CCDC30: variants seen among roughly 807,000 people sequenced by gnomAD.
The protein encoded by CCDC30 is coiled-coil domain containing 30.
Under a neutral mutation model 100.2 loss-of-function variants are expected in CCDC30, and 70 were observed. That is an observed-to-expected ratio of 0.70 (90% CI 0.58 to 0.85). CCDC30 has a LOEUF of 0.85. Ranked by LOEUF, CCDC30 falls within the 40% of genes least tolerant of loss-of-function variation. The pLI is 0.00. For synonymous variants in CCDC30, 233 were observed against 269.5 expected, an observed-to-expected ratio of 0.86 and a Z score of 1.33; for missense variants, 652 against 771.2, an observed-to-expected ratio of 0.85 and a Z score of 1.83.
At chr1:42,534,879 A>T (rs118000063) in intron 6 of CCDC30, 1 of 152,102 alleles carries the variant, frequency 6.6e-6, no homozygotes, top group African/African-American at 2.4e-5. Flanking sequence ...GTAACTGGTG[A>T]TTTATTTAGA....
intron 9 of CCDC30, among the ~76,000 whole-genome samples, chr1:42,582,381 A>G (rs1201534041): frequency 6.6e-6 from 1 of 152,180 alleles, no homozygotes; most frequent in Non-Finnish European, 1.5e-5. Context: ...ATTATTAACC[A>G]AAGAGAAATG....
chr1:42,617,178 C>T (rs1646741604), intron 11 of CCDC30, among the ~76,000 whole-genome samples: 1 of 152,130 alleles, frequency 6.6e-6, no homozygotes, highest in East Asian at 1.9e-4. Flanking sequence ...GTGGCTCACA[C>T]CTGTAATCCC....
chr1:42,609,933 C>T (rs531051262), intron 10 of CCDC30, among the ~76,000 whole-genome samples: 1 of 152,322 alleles, frequency 6.6e-6, no homozygotes, highest in African/African-American at 2.4e-5. Flanking sequence ...ATTCTGCAGT[C>T]CACTTGATAT....
Position 42,653,472 on chromosome 1 carries a change from A to C in CCDC30, c.1922+29A>C, listed in dbSNP as rs1006671558. On this transcript the variant is annotated intron_variant, in intron 16 of 16. Coordinates refer to ENST00000668663, the Ensembl canonical transcript of CCDC30. The stretch of plus-strand genomic sequence containing the variant: ...AGTAAAGTCAAGACAAATAAAGTCA[A>C]GTCTATCTGAGATGGACTGTCAGCC... The C allele has an allele frequency of 5.0e-6, 7 of 1,394,420 alleles. No homozygotes were observed. In the Admixed American group the frequency reaches 1.0e-4, roughly 21 times the overall value. 86.4% of individuals were successfully genotyped at this position (1,394,420 alleles called of 1,614,324 possible).
At chr1:42,469,038 T>C (rs61777372) in intron 1 of CCDC30, among the ~76,000 whole-genome samples, 7 of 151,492 alleles carry the variant, frequency 4.6e-5, no homozygotes, top group African/African-American at 1.5e-4. Context: ...AAAAAAACTT[T>C]CAGGGAAGGA....
intron 10 of CCDC30, among the ~76,000 whole-genome samples, chr1:42,601,328 A>C (rs1276545906): frequency 6.6e-6 from 1 of 152,200 alleles, no homozygotes; most frequent in Non-Finnish European, 1.5e-5. Context: ...GTCTGAAGGG[A>C]GAAAAACCCC....
chr1:42,539,403 T>C, intron 6 of CCDC30, 93 bp downstream of exon 8: 1 of 1,173,068 alleles, frequency 8.5e-7, no homozygotes, highest in Non-Finnish European at 1.2e-6. Flanking sequence ...AACAGATGAT[T>C]TGGGAATTGG....
chr1:42,469,924 C>T lies in CCDC30; in HGVS notation c.-92+6026C>T, dbSNP rs74068444. On this transcript the variant is annotated intron_variant, in intron 1 of 16. Coordinates refer to ENST00000668663, the Ensembl canonical transcript of CCDC30. ...AACTAGCAACTCATAAATGACCCAGCGGTTGAGAAGCTTGGCTCAGACCAG... is the reference window on the plus strand; with the variant it reads ...AACTAGCAACTCATAAATGACCCAGTGGTTGAGAAGCTTGGCTCAGACCAG... 1.7e-3 allele frequency among the ~76,000 whole-genome samples: 264 copies of T among 152,240 alleles called. 1 individual carries two copies. The highest frequency in any genetic ancestry group is 6.1e-3 in the African/African-American group (253 of 41,532).
At chr1:42,577,596 A>G (rs1557868726) in intron 8 of CCDC30, among the ~76,000 whole-genome samples, 1 of 152,160 alleles carries the variant, frequency 6.6e-6, no homozygotes, top group Non-Finnish European at 1.5e-5. Flanking sequence ...ATTGACAAAC[A>G]ATTGTACGTG....
Position 42,530,129 on chromosome 1 carries a change from T to G in CCDC30, c.456+31213T>G, listed in dbSNP as rs564268068. 9.2e-5 allele frequency among the ~76,000 whole-genome samples: 14 copies of G among 152,312 alleles called. 1 individual carries two copies. The highest frequency in any genetic ancestry group is 3.4e-4 in the African/African-American group (14 of 41,570). On this transcript the variant is annotated intron_variant, in intron 6 of 16. Coordinates refer to ENST00000668663, the Ensembl canonical transcript of CCDC30. The stretch of plus-strand genomic sequence containing the variant: ...TCATGGCTCAGTGATCCAAGATCAC[T>G]CAAAGCAGATGACTCTACTTTTCAA...
At chr1:42,536,961 A>G in intron 6 of CCDC30, 1 of 353,974 alleles carries the variant, frequency 2.8e-6, no homozygotes, top group South Asian at 2.3e-5. Context: ...TCCTCATTTG[A>G]CCTTTATCAC....
At position 42,576,098 on chromosome 1, in the gene CCDC30, A is replaced by C. The variant is rs373777080; in HGVS notation, c.637-922A>C. On this transcript the variant is annotated intron_variant, in intron 7 of 16. Coordinates refer to ENST00000668663, the Ensembl canonical transcript of CCDC30. ...ATCTGGAGTGAGGGACCACTGAAAG[A>C]TTCTAAGCAGGGGTGTCAAGTAGTT... Among the ~76,000 whole-genome samples, 3 of 152,358 alleles carry C rather than the reference A, an allele frequency of 2.0e-5. No individual in the cohort carries two copies. In the East Asian group the frequency reaches 5.8e-4, roughly 29 times the overall value.
intron 15 of CCDC30, among the ~76,000 whole-genome samples, chr1:42,652,641 CCT>C (rs2148701234): frequency 6.6e-6 from 1 of 152,218 alleles, no homozygotes; most frequent in Non-Finnish European, 1.5e-5. Flanking sequence ...CTCTCCATCC[CCT>C]GATGAATGGA....
rs115965099 is a variant in CCDC30, at chr1:42,577,614, G to A, written c.846+385G>A. Among the ~76,000 whole-genome samples the A allele has an allele frequency of 6.9e-3, 1,047 of 151,890 alleles. 9 individuals are homozygous for A. Among genetic ancestry groups the A allele is most frequent in the African/African-American group, 0.024 (976 of 41,472 alleles). ...GACAAACAATTGTACGTGTTCATGG[G>A]GTACATAGTGATGTTTATTTTTATT... is the stretch of plus-strand genomic sequence containing the variant. On this transcript the variant is annotated intron_variant, in intron 8 of 16. Transcript: ENST00000668663.
intron 11 of CCDC30, among the ~76,000 whole-genome samples, chr1:42,620,575 T>A: frequency 7.0e-6 from 1 of 142,718 alleles, no homozygotes. Flanking sequence ...TGGGACAATA[T>A]GAGGGGCAAA....
chr1:42,550,025 A>AC (rs1183945257), intron 6 of CCDC30, among the ~76,000 whole-genome samples: 3 of 152,136 alleles, frequency 2.0e-5, no homozygotes, highest in African/African-American at 7.2e-5. Context: ...TTCACAGACT[A>AC]CCAATGTATT....
At chr1:42,472,778 A>G (rs1246898091) in intron 1 of CCDC30, among the ~76,000 whole-genome samples, 1 of 152,130 alleles carries the variant, frequency 6.6e-6, no homozygotes, top group Non-Finnish European at 1.5e-5. Flanking sequence ...TCATAACTAG[A>G]TAACAACAGG....
intron 10 of CCDC30, among the ~76,000 whole-genome samples, chr1:42,606,672 A>G (rs532329098): frequency 6.6e-6 from 1 of 152,322 alleles, no homozygotes; most frequent in Non-Finnish European, 1.5e-5. Context: ...AGTATTTTTC[A>G]CTGTGTTTAG....
exon 6 of CCDC30, chr1:42,498,875 C>G: frequency 8.1e-7 from 1 of 1,233,982 alleles, no homozygotes; most frequent in Non-Finnish European, 1.0e-6. Context: ...ACTTGGAAAC[C>G]ACTCCCCTGG....
Sources: gnomAD v4.1 joint callset for allele counts (sites outside exome capture counted in the v4.1 genomes callset) on GRCh38, gnomAD v4.1.1 for gene constraint, MANE v1.5 for transcripts, NCBI Gene and HGNC (gene_info 2026-07-23, HGNC 2026-07-21) for gene names.